ZNF33B: variants seen among roughly 807,000 people sequenced by gnomAD.
The protein encoded by ZNF33B is zinc finger protein 33B.
In ZNF33B, 29 loss-of-function variants were observed where a neutral mutation model predicts 45.8. The observed-to-expected ratio is 0.63, with a 90% CI of 0.47 to 0.86. The LOEUF is 0.86. Among genes scored for constraint, ZNF33B ranks in the 40% least tolerant of loss-of-function variants. The pLI is 0.00. For synonymous variants in ZNF33B, 305 were observed against 307.8 expected (o/e 0.99, Z 0.10); for missense variants, 831 against 909.9 (o/e 0.91, Z 1.12).
chr10:42,604,931 AAAAG>A (rs1837775974), intron 4 of ZNF33B, among the ~76,000 whole-genome samples: 2 of 152,010 alleles, frequency 1.3e-5, no homozygotes, highest in Middle Eastern at 3.2e-3. Flanking sequence ...CAAAAAAAAA[AAAAG>A]AAAGAAAAGA....
At position 42,590,127 on chromosome 10, in the gene ZNF33B, T is replaced by C. The variant is rs1253603205; in HGVS notation, c.*2486A>G. The stretch of plus-strand genomic sequence containing the variant: ...AAATGTTGAACAAGGCTTGCATTCC[T>C]GATTTGCTAACATTTTAAGGATTTC... On this transcript the variant is annotated 3_prime_UTR_variant, in exon 5 of 5. Coordinates refer to ENST00000359467, the MANE Select transcript of ZNF33B (RefSeq NM_006955.3). The C allele has an allele frequency of 1.3e-5, 2 of 152,252 alleles. No individual in the cohort carries two copies. The highest frequency in any genetic ancestry group is 2.9e-5 in the Non-Finnish European group (2 of 68,040). 9.4% of individuals were successfully genotyped at this position (152,252 alleles called of 1,614,324 possible). A position where few individuals can be genotyped will look rare whatever the true frequency, so the allele number is the denominator to read the frequency against.
intron 1 of ZNF33B, among the ~76,000 whole-genome samples, chr10:42,637,826 T>C (rs1421480289): frequency 6.6e-6 from 1 of 152,132 alleles, no homozygotes; most frequent in Non-Finnish European, 1.5e-5. Context: ...CTACTTTTAG[T>C]ATTTTTAGTA....
intron 1 of ZNF33B, among the ~76,000 whole-genome samples, chr10:42,579,334 G>T (rs1836791762): frequency 6.6e-6 from 1 of 151,902 alleles, no homozygotes; most frequent in African/African-American, 2.4e-5. Context: ...AGCGCAACAG[G>T]TAGTTTTTCA....
chr10:42,610,473 GGTT>G (rs1838054931), intron 4 of ZNF33B, among the ~76,000 whole-genome samples: 2 of 152,188 alleles, frequency 1.3e-5, no homozygotes, highest in Admixed American at 6.5e-5. Flanking sequence ...CAGAAGCAGA[GGTT>G]GCAGTGAGCC....
Position 42,592,966 on chromosome 10 carries a change from C to G in ZNF33B, c.1984G>C (p.Glu662Gln). 2 of 1,613,746 alleles carry G rather than the reference C, an allele frequency of 1.2e-6. No individual in the cohort carries two copies. The highest frequency in any genetic ancestry group is 1.7e-6 in the Non-Finnish European group (2 of 1,179,932). Reference protein sequence around the residue: ...LIVHQRTHTQEKPYKCNECGK... With the variant: ...LIVHQRTHTQQKPYKCNECGK... The stretch of plus-strand genomic sequence containing the variant: ...CATTCGTTACATTTATAAGGCTTTT[C>G]TTGTGTATGGGTTCTCTGATGTACA... Residue 662 changes from glutamate to glutamine, a missense_variant, in exon 5 of 5, where the codon GAA (glutamate) becomes CAA (glutamine). By Grantham distance (29) the Glu-to-Gln change is conservative. Transcript: ENST00000359467.
intron 4 of ZNF33B, among the ~76,000 whole-genome samples, chr10:42,601,482 T>G (rs183288548): frequency 0.023 from 3,245 of 141,152 alleles, 76 homozygotes; most frequent in Admixed American, 0.092. Flanking sequence ...TTTTTTTTTT[T>G]TTTTTTTTTT....
Position 42,592,667 on chromosome 10 carries a change from C to G in ZNF33B, c.2283G>C (p.Lys761Asn). 1 of 1,613,984 alleles carries G rather than the reference C, an allele frequency of 6.2e-7. No homozygotes were observed. Among genetic ancestry groups the G allele is most frequent in the Non-Finnish European group, 8.5e-7 (1 of 1,179,912 alleles). Residue 761 changes from lysine to asparagine, a missense_variant, in exon 5 of 5, where the codon AAG becomes AAC. By Grantham distance (94) the Lys-to-Asn change is moderately conservative. Coordinates refer to ENST00000359467, the MANE Select transcript of ZNF33B (RefSeq NM_006955.3). ...CNTCRKTFSQ[K>N]SNLIVHQRTH... ...TTCTCTGATGTACAATGAGATTTGA[C>G]TTTTGAGAGAAGGTTTTCCTGCATG... is the stretch of plus-strand genomic sequence containing the variant.
rs540120879 is a variant in ZNF33B at position 42,577,764 on chromosome 10, C to T, written c.74-3086G>A. Among the ~76,000 whole-genome samples the T allele has an allele frequency of 1.4e-4, 21 of 152,264 alleles. No individual in the cohort carries two copies. The South Asian group carries it at 4.4e-3, about 32-fold the overall frequency. On this transcript the variant is annotated intron_variant, in intron 1 of 1. Transcript: ENST00000462075. The stretch of plus-strand genomic sequence containing the variant: ...GCAAGTGGATTCAGGGCTGAATCGC[C>T]CCTGCTTGTAGATAATGTATGCTTA...
At chr10:42,626,863 T>C (rs1370684148) in intron 4 of ZNF33B, among the ~76,000 whole-genome samples, 2 of 152,150 alleles carry the variant, frequency 1.3e-5, no homozygotes, top group Non-Finnish European at 2.9e-5. Context: ...AGGTTTTTTA[T>C]TTAAAATTTA....
chr10:42,579,499 C>A (rs1209722087), intron 1 of ZNF33B, among the ~76,000 whole-genome samples: 1 of 152,150 alleles, frequency 6.6e-6, no homozygotes, highest in Non-Finnish European at 1.5e-5. Flanking sequence ...TGGTGTGGAT[C>A]TCTGGATGAA....
Position 42,593,658 on chromosome 10 carries a change from T to A in ZNF33B, c.1292A>T (p.His431Leu), listed in dbSNP as rs778833323. Residue 431 changes from histidine to leucine, a missense_variant, in exon 5 of 5, where the codon CAT (histidine) becomes CTT (leucine). Coordinates refer to ENST00000359467, the MANE Select transcript of ZNF33B (RefSeq NM_006955.3). ...TFYQKSDLTK[H>L]QRTHTGQKPY... is the part of the protein sequence containing the mutation. ...TTTCTGCCCTGTGTGTGTTCTCTGA[T>A]GTTTAGTGAGGTCAGATTTCTGGTA... The A allele has an allele frequency of 6.2e-7, 1 of 1,614,088 alleles. No homozygotes were observed. Among genetic ancestry groups the A allele is most frequent in the East Asian group, 2.2e-5 (1 of 44,874 alleles).
At chr10:42,609,999 A>G (rs549894582) in intron 4 of ZNF33B, among the ~76,000 whole-genome samples, 2 of 152,336 alleles carry the variant, frequency 1.3e-5, no homozygotes, top group African/African-American at 4.8e-5. Context: ...AAGAACAAAA[A>G]CAAGATAAGA....
At position 42,631,993 on chromosome 10, in the gene ZNF33B, G is replaced by C; in HGVS notation, c.186C>G (p.Phe62Leu). The C allele has an allele frequency of 1.2e-6, 2 of 1,614,114 alleles. No homozygotes were observed. Among genetic ancestry groups the C allele is most frequent in the Non-Finnish European group, 1.7e-6 (2 of 1,180,024 alleles). ...GYCAHKPEVI[F>L]RLEQGEEPWR... is the part of the protein sequence containing the mutation. Reference sequence around the variant, plus strand: ...ATGGTTCTTCTCCTTGTTCCAGCCTGAAGATCACCTCTGGTTTGTGAGCAC... The same window carrying C: ...ATGGTTCTTCTCCTTGTTCCAGCCTCAAGATCACCTCTGGTTTGTGAGCAC... The change falls in exon 4 of 5, where the codon TTC (phenylalanine) becomes TTG (leucine). Residue 62 changes from phenylalanine to leucine, a missense_variant. Phe to Leu is a conservative substitution (Grantham distance 22). Transcript: ENST00000359467.
chr10:42,575,896 A>ATTT (rs541149231), intron 1 of ZNF33B, among the ~76,000 whole-genome samples: 1 of 143,496 alleles, frequency 7.0e-6, no homozygotes, highest in African/African-American at 2.6e-5. Flanking sequence ...CGCCTGGCTA[A>ATTT]TTTTTTTTTT....
At chr10:42,608,666 G>C (rs1470177194) in intron 4 of ZNF33B, among the ~76,000 whole-genome samples, 1 of 152,102 alleles carries the variant, frequency 6.6e-6, no homozygotes, top group Admixed American at 6.6e-5. Flanking sequence ...ATTTGTAGCT[G>C]TAATAACCAT....
At chr10:42,621,699 C>A (rs550969006) in intron 4 of ZNF33B, among the ~76,000 whole-genome samples, 1 of 152,254 alleles carries the variant, frequency 6.6e-6, no homozygotes, top group Admixed American at 6.5e-5. Flanking sequence ...CAGAATAGAA[C>A]TTCTTCAACA....
downstream of ZNF33B, among the ~76,000 whole-genome samples, chr10:42,585,121 A>C (rs1836905161): frequency 6.6e-6 from 1 of 152,202 alleles, no homozygotes; most frequent in South Asian, 2.1e-4. Context: ...ACCACTTGGA[A>C]ACCCAAAAGG....
chr10:42,626,811 T>C (rs1474381907), intron 4 of ZNF33B, among the ~76,000 whole-genome samples: 2 of 152,130 alleles, frequency 1.3e-5, no homozygotes, highest in African/African-American at 4.8e-5. Context: ...TAGAATTCTC[T>C]AGTGAGAACA....
At chr10:42,575,727 T>TATATATATATAC (rs572237020) in intron 1 of ZNF33B, among the ~76,000 whole-genome samples, 2 of 144,954 alleles carry the variant, frequency 1.4e-5, no homozygotes, top group Admixed American at 7.1e-5. Context: ...TATATATATA[T>TATATATATATAC]ACATATATAT....
Sources: allele counts gnomAD v4.1 joint callset (sites outside exome capture counted in the v4.1 genomes callset), GRCh38; gene constraint gnomAD v4.1.1; transcripts MANE v1.5; gene names NCBI Gene and HGNC (gene_info 2026-07-23, HGNC 2026-07-21).